CSF2RA: variants seen among roughly 807,000 people sequenced by gnomAD.
The protein encoded by CSF2RA is colony stimulating factor 2 receptor subunit alpha.
In CSF2RA, 42 loss-of-function variants were observed where a neutral mutation model predicts 51.6. The ratio of observed to expected loss-of-function variants is 0.81; its 90% CI spans 0.64 to 1.05. The LOEUF (loss-of-function observed/expected upper bound fraction) is 1.05, where lower values mean the gene tolerates loss of function less well. CSF2RA is among the 50% of genes least tolerant of loss of function. The pLI, the probability that CSF2RA is intolerant of heterozygous loss-of-function variation, is 0.00. For synonymous variants in CSF2RA, 222 were observed against 193.0 expected, an observed-to-expected ratio of 1.15 and a Z score of -1.24; for missense variants, 530 against 501.1, an observed-to-expected ratio of 1.06 and a Z score of -0.55.
In CSF2RA at chrX:1,282,677, G is replaced by T; in HGVS notation, c.-26-1G>T. The T allele has an allele frequency of 1.2e-6, 2 of 1,601,060 alleles. No individual in the cohort carries two copies. The highest frequency in any genetic ancestry group is 1.7e-6 in the Non-Finnish European group (2 of 1,168,164). Reference sequence around the variant, plus strand: ...ACTGTGTGATATTTTCTCTCCTGCAGCTCTTCCCTTCTCTCTGACCAGCAC... The same window carrying T: ...ACTGTGTGATATTTTCTCTCCTGCATCTCTTCCCTTCTCTCTGACCAGCAC... On this transcript the variant is annotated splice_acceptor_variant, in intron 2 of 12. Transcript: ENST00000381529. LOFTEE classifies it low-confidence loss of function (5UTR_SPLICE).
intron 2 of CSF2RA, among the ~76,000 whole-genome samples, chrX:1,279,107 T>C (rs2148141255): frequency 6.6e-6 from 1 of 150,480 alleles, no homozygotes; most frequent in East Asian, 2.0e-4. Flanking sequence ...TCCCATCACT[T>C]TGGGAGGCCG....
At chrX:1,299,791 G>A (rs1302088521) in intron 9 of CSF2RA, among the ~76,000 whole-genome samples, 13 of 151,966 alleles carry the variant, frequency 8.6e-5, no homozygotes, top group East Asian at 1.9e-4. Flanking sequence ...GGTGGCGGGC[G>A]CCTGTAATCC....
intron 7 of CSF2RA, 125 bp downstream of exon 7, chrX:1,290,634 G>A: frequency 3.1e-6 from 3 of 969,580 alleles, no homozygotes; most frequent in South Asian, 1.3e-5. Flanking sequence ...GGAGGCCGAG[G>A]CGGGCCGATC....
At chrX:1,301,841 C>T (rs1408256734) in intron 10 of CSF2RA, among the ~76,000 whole-genome samples, 2 of 150,328 alleles carry the variant, frequency 1.3e-5, no homozygotes, top group African/African-American at 2.4e-5. Context: ...CTCCTGACCT[C>T]GTGATCCGCC....
At chrX:1,311,546 G>T (rs1313638868), downstream of CSF2RA, among the ~76,000 whole-genome samples, 2 of 151,620 alleles carry the variant, frequency 1.3e-5, no homozygotes, top group Non-Finnish European at 2.9e-5. Flanking sequence ...CAATTCCCCT[G>T]CCTCAGCCTC....
chrX:1,295,030 A>G (rs2091799879), intron 8 of CSF2RA, among the ~76,000 whole-genome samples: 1 of 144,200 alleles, frequency 6.9e-6, no homozygotes, highest in Admixed American at 6.9e-5. Context: ...AACCTCCTGG[A>G]CCCAGTGTAG....
chrX:1,315,873 T>C, the CSF2RA span, among the ~76,000 whole-genome samples: 3,430 of 142,420 alleles, frequency 0.024, 149 homozygotes, highest in African/African-American at 0.086. Context: ...AATGGATAGA[T>C]GACAGATAGA....
the CSF2RA span, among the ~76,000 whole-genome samples, chrX:1,324,484 G>A: frequency 9.6e-4 from 136 of 141,690 alleles, no homozygotes; most frequent in African/African-American, 3.2e-3. Context: ...AAGCAAGCAG[G>A]GAGGGAGGGA....
chrX:1,306,850 G>T (rs1257805015), intron 12 of CSF2RA, among the ~76,000 whole-genome samples: 8 of 147,024 alleles, frequency 5.4e-5, no homozygotes, highest in Non-Finnish European at 1.2e-4. Context: ...GACATAGGTG[G>T]ACACAGAGAG....
At position 1,305,451 on chromosome X, in the gene CSF2RA, T is replaced by C. The variant is rs778947634; in HGVS notation, c.1049T>C (p.Leu350Pro). ...IVLGFLFKRF[L>P]RIQRLFPPVP... ...ACTTTTTCTCTGTGTCTCAGGTTCC[T>C]TAGGATACAGCGGCTGTTCCCGCCA... Residue 350 changes from leucine to proline, a missense_variant, in exon 12 of 13, where the codon CTT (leucine) becomes CCT (proline). By Grantham distance (98) the Leu-to-Pro change is moderately conservative (BLOSUM62 -3). Coordinates refer to ENST00000381529, the MANE Select transcript of CSF2RA (RefSeq NM_172245.4). 1 of 1,614,006 alleles carries C rather than the reference T, an allele frequency of 6.2e-7. No homozygotes were observed. The highest frequency in any genetic ancestry group is 8.5e-7 in the Non-Finnish European group (1 of 1,179,884).
the CSF2RA span, among the ~76,000 whole-genome samples, chrX:1,322,354 C>T: frequency 2.0e-5 from 3 of 150,900 alleles, no homozygotes; most frequent in Non-Finnish European, 3.0e-5. Flanking sequence ...CCTCGTGATC[C>T]GTCCACCTCA....
At chrX:1,316,841 G>C in the CSF2RA span, among the ~76,000 whole-genome samples, 1 of 152,254 alleles carries the variant, frequency 6.6e-6, no homozygotes, top group African/African-American at 2.4e-5. Flanking sequence ...CAGACACAGA[G>C]GCGTTGAGGG....
chrX:1,280,344 G>A (rs1225689718), intron 2 of CSF2RA, among the ~76,000 whole-genome samples: 19 of 151,642 alleles, frequency 1.3e-4, no homozygotes, highest in African/African-American at 3.6e-4. Context: ...AATGGCGGGC[G>A]CCTATAATCC....
At chrX:1,287,296 GGTGC>G in intron 4 of CSF2RA, 1 of 151,568 alleles carries the variant, frequency 6.6e-6, no homozygotes, top group East Asian at 1.9e-4. Context: ...TGGGATTACA[GGTGC>G]GTGCCACCAC....
chrX:1,279,822 C>T (rs192278257), intron 2 of CSF2RA, among the ~76,000 whole-genome samples: 1,757 of 151,994 alleles, frequency 0.012, 74 homozygotes, highest in East Asian at 0.11. Context: ...CAGAGTCTCC[C>T]TCTGTCACCC....
chrX:1,320,945 C>T, the CSF2RA span, among the ~76,000 whole-genome samples: 2 of 151,524 alleles, frequency 1.3e-5, no homozygotes, highest in African/African-American at 4.8e-5. Context: ...GTTCAAGTGA[C>T]TCTCGTGCCT....
intron 2 of CSF2RA, among the ~76,000 whole-genome samples, chrX:1,275,155 G>A (rs2148066593): frequency 6.6e-6 from 1 of 151,720 alleles, no homozygotes; most frequent in South Asian, 2.1e-4. Context: ...CACTGTGGGA[G>A]GCTGAGGCGG....
chrX:1,313,626 C>G (rs1433576262), downstream of CSF2RA, among the ~76,000 whole-genome samples: 1 of 151,464 alleles, frequency 6.6e-6, no homozygotes, highest in African/African-American at 2.4e-5. Flanking sequence ...GCAGGAGAAT[C>G]GCTTGAACCC....
chrX:1,278,258 G>T (rs1249281349), intron 2 of CSF2RA, among the ~76,000 whole-genome samples: 1 of 149,500 alleles, frequency 6.7e-6, no homozygotes, highest in Non-Finnish European at 1.5e-5. Flanking sequence ...GCTTCAACTT[G>T]GGAGACGGAG....
Sources: allele counts gnomAD v4.1 joint callset (sites outside exome capture counted in the v4.1 genomes callset), GRCh38; gene constraint gnomAD v4.1.1; transcripts MANE v1.5; gene names NCBI Gene and HGNC (gene_info 2026-07-23, HGNC 2026-07-21).